The following CAST variants were observed in gnomAD, a reference collection of about 807,000 sequenced individuals.
CAST encodes the protein MIR583 host.
CAST carries 76 observed loss-of-function variants against 119.6 expected under a neutral mutation model. The ratio of observed to expected loss-of-function variants is 0.64; its 90% CI spans 0.53 to 0.77. The LOEUF is 0.77. CAST is among the 30% of genes least tolerant of loss of function. The pLI is 0.00. For synonymous variants in CAST, 319 were observed against 331.6 expected, an observed-to-expected ratio of 0.96 and a Z score of 0.41; for missense variants, 953 against 946.5, an observed-to-expected ratio of 1.01 and a Z score of -0.09.
At chr5:96,201,436 C>G in the CAST span, among the ~76,000 whole-genome samples, 268 of 152,198 alleles carry the variant, frequency 1.8e-3, 1 homozygote, top group African/African-American at 6.2e-3. Flanking sequence ...AACTCTTGGG[C>G]AATGCCTTCA....
At chr5:96,683,945 A>G (rs1020447270) in intron 2 of CAST, among the ~76,000 whole-genome samples, 1 of 152,202 alleles carries the variant, frequency 6.6e-6, no homozygotes, top group African/African-American at 2.4e-5. Context: ...CCACAGTGAG[A>G]GCATCTTCTT....
chr5:96,326,591 G>A, the CAST span, among the ~76,000 whole-genome samples: 675 of 151,306 alleles, frequency 4.5e-3, 8 homozygotes, highest in South Asian at 0.032. Context: ...TAATTTGTAC[G>A]TACCTCATTA....
chr5:96,541,568 T>A (rs747697759), intron 1 of CAST, among the ~76,000 whole-genome samples: 3 of 152,226 alleles, frequency 2.0e-5, no homozygotes, highest in African/African-American at 7.2e-5. Context: ...ACCATTATAG[T>A]ATTATACAGA....
At chr5:95,996,000 T>G in the CAST span, among the ~76,000 whole-genome samples, 662 of 152,272 alleles carry the variant, frequency 4.3e-3, 8 homozygotes, top group African/African-American at 0.015. Context: ...CTCAAAATCT[T>G]TTGATCTCCG....
rs141945381 is a variant in CAST, at chr5:96,767,606, T to C, written c.2175+124T>C. 9.1e-3 allele frequency: 6,461 copies of C among 706,524 alleles called. 42 individuals carry two copies. Among genetic ancestry groups the C allele is most frequent in the Non-Finnish European group, 0.012 (5,097 of 409,054 alleles). 43.8% of individuals were successfully genotyped at this position (706,524 alleles called of 1,614,324 possible). ...CTGTGCCTGGTACTTTGTCAAAGCA[T>C]GCATATAAATGTGTGTGACTATTGT... On this transcript the variant is annotated intron_variant, in intron 28 of 31. Transcript: ENST00000675179.
At chr5:96,106,801 C>T in the CAST span, among the ~76,000 whole-genome samples, 1 of 148,506 alleles carries the variant, frequency 6.7e-6, no homozygotes, top group Non-Finnish European at 1.5e-5. Flanking sequence ...TCTCGTTGAT[C>T]TGTCTAATGT....
At chr5:96,389,816 T>C in the CAST span, among the ~76,000 whole-genome samples, 3 of 152,026 alleles carry the variant, frequency 2.0e-5, no homozygotes, top group Non-Finnish European at 2.9e-5. Context: ...ACACCTGTAG[T>C]CCCAGCTACA....
rs112770399 is a variant in CAST at position 96,709,286 on chromosome 5, G to A, written c.211-13353G>A. ...CTGAGTAGCTTCTGGTTTTAAGCTA[G>A]TAACTCAGCACAGGGCCTGTAGCCA... On this transcript the variant is annotated intron_variant, in intron 3 of 31. Transcript: ENST00000675179. Among the ~76,000 whole-genome samples, 595 of 152,322 alleles carry A rather than the reference G, an allele frequency of 3.9e-3. 10 individuals carry two copies. Among genetic ancestry groups the A allele is most frequent in the South Asian group, 0.033 (159 of 4,832 alleles).
upstream of CAST, among the ~76,000 whole-genome samples, chr5:96,659,176 A>C (rs1304460589): frequency 6.6e-6 from 1 of 152,252 alleles, no homozygotes; most frequent in Non-Finnish European, 1.5e-5. Context: ...ATATCACGTA[A>C]CAGATATAAT....
At chr5:96,179,251 C>T in the CAST span, among the ~76,000 whole-genome samples, 3 of 152,094 alleles carry the variant, frequency 2.0e-5, no homozygotes, top group Non-Finnish European at 2.9e-5. Flanking sequence ...AAAATAAAAT[C>T]AAAACTCCCT....
chr5:96,087,389 A>AT, the CAST span, among the ~76,000 whole-genome samples: 2 of 152,090 alleles, frequency 1.3e-5, no homozygotes, highest in South Asian at 2.1e-4. Flanking sequence ...ATTTTTTTCC[A>AT]TTTTTTTAAG....
chr5:96,423,585 C>T, the CAST span: 2 of 835,326 alleles, frequency 2.4e-6, no homozygotes, highest in Non-Finnish European at 4.0e-6. Context: ...TTAGAAGAAG[C>T]CAATTCAGTG....
chr5:96,034,595 C>G, the CAST span, among the ~76,000 whole-genome samples: 1 of 150,140 alleles, frequency 6.7e-6, no homozygotes. Context: ...ATATGCATTA[C>G]CTAACATAGT....
At chr5:96,743,763 A>G (rs750123305) in intron 16 of CAST, 1 of 1,483,816 alleles carries the variant, frequency 6.7e-7, no homozygotes, top group Non-Finnish European at 9.3e-7. Context: ...TATTGGGAAG[A>G]AGGGAAACTT....
chr5:96,045,004 A>G, the CAST span, among the ~76,000 whole-genome samples: 2 of 152,204 alleles, frequency 1.3e-5, no homozygotes, highest in South Asian at 4.1e-4. Flanking sequence ...GAGGTCTAAT[A>G]ATGTTTTTAT....
At chr5:96,121,266 T>C in the CAST span, among the ~76,000 whole-genome samples, 1 of 152,136 alleles carries the variant, frequency 6.6e-6, no homozygotes, top group East Asian at 1.9e-4. Flanking sequence ...GCCCTTTTGT[T>C]TTATTTGACT....
At chr5:96,124,911 T>C in the CAST span, among the ~76,000 whole-genome samples, 19 of 152,326 alleles carry the variant, frequency 1.2e-4, no homozygotes, top group African/African-American at 4.3e-4. Flanking sequence ...CCACCTTGTT[T>C]ACCCTGTCTT....
chr5:96,675,515 G>T (rs1750593233), intron 1 of CAST, 24 bp from the exon 2 acceptor site: 2 of 1,542,962 alleles, frequency 1.3e-6, no homozygotes, highest in African/African-American at 1.4e-5. Context: ...CCTTTATTAA[G>T]CATTATTTTT....
At chr5:96,020,329 G>A in the CAST span, among the ~76,000 whole-genome samples, 1 of 152,184 alleles carries the variant, frequency 6.6e-6, no homozygotes, top group Admixed American at 6.5e-5. Flanking sequence ...AAAATAAGCA[G>A]CAGATTTAAA....
Sources: gnomAD v4.1 joint callset for allele counts (sites outside exome capture counted in the v4.1 genomes callset) on GRCh38, gnomAD v4.1.1 for gene constraint, MANE v1.5 for transcripts, NCBI Gene and HGNC (gene_info 2026-07-23, HGNC 2026-07-21) for gene names.